Variants in ATP8A2 observed in about 807,000 individuals in gnomAD.
The protein encoded by ATP8A2 is ATPase phospholipid transporting 8A2.
A neutral mutation model predicts 165.6 loss-of-function variants in ATP8A2; 100 were observed. The observed-to-expected ratio is 0.60, with a 90% CI of 0.51 to 0.71. The LOEUF is 0.71. Among genes scored for constraint, ATP8A2 ranks in the 30% least tolerant of loss-of-function variants. The probability of loss-of-function intolerance (pLI) is 0.00; values close to 1 mark genes in which losing one functional copy is unlikely to be tolerated. For synonymous variants in ATP8A2, 543 were observed against 548.8 expected (o/e 0.99, Z 0.15); for missense variants, 1,227 against 1,479.5 (o/e 0.83, Z 2.80).
intron 2 of ATP8A2, among the ~76,000 whole-genome samples, chr13:25,469,934 G>A (rs765087200): frequency 3.9e-5 from 6 of 152,140 alleles, no homozygotes; most frequent in Non-Finnish European, 5.9e-5. Flanking sequence ...TTTGTATCTG[G>A]GAGAGACTTC....
chr13:25,438,457 A>G (rs979213195), intron 1 of ATP8A2, among the ~76,000 whole-genome samples: 27 of 152,222 alleles, frequency 1.8e-4, no homozygotes, highest in African/African-American at 6.0e-4. Flanking sequence ...AGCCTGAGCA[A>G]CAGAGACCTG....
At chr13:25,728,341 G>A (rs1461513556) in intron 25 of ATP8A2, among the ~76,000 whole-genome samples, 1 of 152,092 alleles carries the variant, frequency 6.6e-6, no homozygotes, top group Non-Finnish European at 1.5e-5. Flanking sequence ...GGTGAAGTGA[G>A]GATACCTCAT....
intron 2 of ATP8A2, among the ~76,000 whole-genome samples, chr13:25,493,595 C>G (rs2036588990): frequency 6.6e-6 from 1 of 152,188 alleles, no homozygotes; most frequent in South Asian, 2.1e-4. Context: ...CTTGCAGAGT[C>G]TGTGGACATT....
intron 1 of ATP8A2, among the ~76,000 whole-genome samples, chr13:25,451,930 C>T (rs2035237448): frequency 6.6e-6 from 1 of 151,642 alleles, no homozygotes; most frequent in African/African-American, 2.4e-5. Context: ...TCTCGGCTCA[C>T]TGTGACCTCC....
chr13:25,854,801 T>C (rs188844180), intron 30 of ATP8A2, among the ~76,000 whole-genome samples: 24 of 152,350 alleles, frequency 1.6e-4, no homozygotes, highest in African/African-American at 5.1e-4. Context: ...CTGAAGTTTT[T>C]ATAGCAGCTT....
chr13:25,663,927 G>T (rs1304326860), intron 24 of ATP8A2, among the ~76,000 whole-genome samples: 1 of 152,096 alleles, frequency 6.6e-6, no homozygotes, highest in Non-Finnish European at 1.5e-5. Context: ...GAAATTAGAC[G>T]GCCAGGCATG....
At chr13:25,983,146 G>A (rs1329951224) in intron 35 of ATP8A2, among the ~76,000 whole-genome samples, 1 of 152,202 alleles carries the variant, frequency 6.6e-6, no homozygotes, top group Admixed American at 6.5e-5. Context: ...GCTCTGGGAT[G>A]CACCTTCTGT....
At chr13:25,468,685 A>G (rs1340574476) in intron 1 of ATP8A2, 2 of 330,062 alleles carry the variant, frequency 6.1e-6, no homozygotes, top group East Asian at 1.7e-4. Context: ...CGGTCCCTGC[A>G]GGGAGGGAGC....
chr13:25,578,583 C>G (rs2039683982), intron 20 of ATP8A2, among the ~76,000 whole-genome samples: 1 of 152,194 alleles, frequency 6.6e-6, no homozygotes, highest in Non-Finnish European at 1.5e-5. Flanking sequence ...TGGTTCTCCC[C>G]AGCATATTTT....
intron 33 of ATP8A2, among the ~76,000 whole-genome samples, chr13:25,888,399 G>T (rs533515910): frequency 2.6e-5 from 4 of 152,214 alleles, no homozygotes; most frequent in African/African-American, 9.6e-5. Context: ...GCTGATAAGG[G>T]GACTTTCCTT....
chr13:25,882,932 A>ATGG (rs1566233926), intron 33 of ATP8A2, among the ~76,000 whole-genome samples: 11 of 139,702 alleles, frequency 7.9e-5, no homozygotes, highest in African/African-American at 2.5e-4. Flanking sequence ...GATGATGATG[A>ATGG]TGATGATGGT....
At chr13:25,437,086 C>T (rs1156293504) in intron 1 of ATP8A2, among the ~76,000 whole-genome samples, 1 of 152,086 alleles carries the variant, frequency 6.6e-6, no homozygotes, top group Non-Finnish European at 1.5e-5. Context: ...TGTTTTTTGA[C>T]TCTTTAGTAA....
intron 25 of ATP8A2, among the ~76,000 whole-genome samples, chr13:25,703,113 C>T (rs534685225): frequency 1.3e-5 from 2 of 152,306 alleles, no homozygotes; most frequent in East Asian, 3.9e-4. Context: ...CAGAGACTCG[C>T]TCTGTTGCCA....
chr13:25,434,350 C>CTT (rs200501084), intron 1 of ATP8A2, among the ~76,000 whole-genome samples: 33 of 151,010 alleles, frequency 2.2e-4, no homozygotes, highest in African/African-American at 5.9e-4. Context: ...TTTTCTCTCT[C>CTT]TTTTTTTTTG....
chr13:25,812,456 A>G (rs899330535), intron 27 of ATP8A2, among the ~76,000 whole-genome samples: 3 of 340 alleles, frequency 8.8e-3, no homozygotes, highest in African/African-American at 0.014. Flanking sequence ...AAGTATATGT[A>G]TCAATAGATT....
chr13:25,972,173 A>G (rs1465091470), intron 35 of ATP8A2, among the ~76,000 whole-genome samples: 1 of 152,236 alleles, frequency 6.6e-6, no homozygotes, highest in African/African-American at 2.4e-5. Context: ...CAGGGATTCT[A>G]AGTTTCTCTC....
chr13:25,906,742 A>C (rs1319041208), intron 33 of ATP8A2, among the ~76,000 whole-genome samples: 6 of 152,134 alleles, frequency 3.9e-5, no homozygotes, highest in Non-Finnish European at 7.3e-5. Context: ...ATGTTGCTTA[A>C]AGTCTTACCA....
chr13:25,389,246 G>A (rs1439771801), intron 1 of ATP8A2, among the ~76,000 whole-genome samples: 1 of 152,154 alleles, frequency 6.6e-6, no homozygotes, highest in Non-Finnish European at 1.5e-5. Flanking sequence ...TTGGGTTTTT[G>A]TAATATTAAA....
intron 24 of ATP8A2, among the ~76,000 whole-genome samples, chr13:25,666,632 G>T (rs1367733170): frequency 6.6e-6 from 1 of 152,096 alleles, no homozygotes; most frequent in Non-Finnish European, 1.5e-5. Flanking sequence ...GATGTTGTGG[G>T]GGCTAAATGT....
Sources: allele counts gnomAD v4.1 joint callset (sites outside exome capture counted in the v4.1 genomes callset), GRCh38; gene constraint gnomAD v4.1.1; transcripts MANE v1.5; gene names NCBI Gene and HGNC (gene_info 2026-07-23, HGNC 2026-07-21).